Variants in UNC13C observed in about 807,000 individuals in gnomAD.
UNC13C encodes protein unc-13 homolog C.
In UNC13C, 174 loss-of-function variants were observed where a neutral mutation model predicts 245.4. The observed-to-expected ratio is 0.71, with a 90% confidence interval of 0.63 to 0.80. The LOEUF (loss-of-function observed/expected upper bound fraction) is 0.80. Ranked by LOEUF, UNC13C falls within the 30% of genes least tolerant of loss-of-function variation. The pLI is 0.00. For synonymous variants in UNC13C, 992 were observed against 895.1 expected (o/e 1.11, Z -1.93); for missense variants, 2,829 against 2,602.9 (o/e 1.09, Z -1.89).
chr15:54,136,724 A>C (rs2141225211), intron 2 of UNC13C, among the ~76,000 whole-genome samples: 2 of 152,158 alleles, frequency 1.3e-5, no homozygotes, highest in Middle Eastern at 3.4e-3. Flanking sequence ...CATTCCCTCG[A>C]TATCTGATTT....
chr15:54,142,188 G>T (rs2032054162), intron 2 of UNC13C, among the ~76,000 whole-genome samples: 1 of 152,152 alleles, frequency 6.6e-6, no homozygotes, highest in Admixed American at 6.5e-5. Flanking sequence ...TTTAAAAAAT[G>T]ATGATGCAGT....
chr15:54,013,238 A>G lies in UNC13C; in HGVS notation c.335A>G (p.Asp112Gly). ...LQKNAKVTNS[D>G]NEDLLQELSS... is the part of the protein sequence containing the mutation. ...AAGAATGCTAAAGTAACCAACAGTG[A>G]TAATGAGGATCTGCTTCAAGAGCTC... is the stretch of plus-strand genomic sequence containing the variant. Residue 112 changes from aspartate (D) to glycine (G), a missense_variant, in exon 2 of 33, where the codon GAT becomes GGT. Transcript: ENST00000260323. 6.2e-7 allele frequency: 1 copy of G among 1,613,800 alleles called. No homozygotes were observed. Among genetic ancestry groups the G allele is most frequent in the Non-Finnish European group, 8.5e-7 (1 of 1,179,840 alleles).
At chr15:54,322,327 G>A (rs2038184764) in intron 14 of UNC13C, among the ~76,000 whole-genome samples, 1 of 152,008 alleles carries the variant, frequency 6.6e-6, no homozygotes, top group South Asian at 2.1e-4. Context: ...ATCTTTTTCA[G>A]TGAGGGAAAA....
chr15:53,856,951 T>A, the UNC13C span, among the ~76,000 whole-genome samples: 4 of 152,282 alleles, frequency 2.6e-5, no homozygotes, highest in Admixed American at 1.3e-4. Context: ...GCTTTATAAA[T>A]CTGGGTGCTC....
intron 18 of UNC13C, among the ~76,000 whole-genome samples, chr15:54,414,766 A>C (rs2040484894): frequency 6.6e-6 from 1 of 152,130 alleles, no homozygotes; most frequent in African/African-American, 2.4e-5. Context: ...TGATATAATG[A>C]AGTCTCTTTT....
At chr15:54,358,301 G>A (rs372435291) in intron 17 of UNC13C, among the ~76,000 whole-genome samples, 2 of 151,894 alleles carry the variant, frequency 1.3e-5, no homozygotes, top group South Asian at 2.1e-4. Flanking sequence ...TGGATATTTG[G>A]GTCTTTTGTT....
chr15:54,084,458 A>G (rs1320010168), intron 2 of UNC13C, among the ~76,000 whole-genome samples: 2 of 152,218 alleles, frequency 1.3e-5, no homozygotes, highest in African/African-American at 2.4e-5. Flanking sequence ...TTCTGGCTTT[A>G]TAAATTCCCA....
chr15:54,055,985 C>T (rs556122564), intron 2 of UNC13C, among the ~76,000 whole-genome samples: 8 of 152,148 alleles, frequency 5.3e-5, no homozygotes, highest in Non-Finnish European at 1.2e-4. Flanking sequence ...TGTGCTTCTC[C>T]GCATGATTTC....
chr15:54,195,572 T>C (rs1311683740), intron 4 of UNC13C, among the ~76,000 whole-genome samples: 3 of 152,264 alleles, frequency 2.0e-5, no homozygotes, highest in Middle Eastern at 3.4e-3. Flanking sequence ...ATTAATGTCA[T>C]GAAGTTCCCA....
At chr15:54,547,803 T>TAC (rs1555393353) in intron 27 of UNC13C, among the ~76,000 whole-genome samples, 2 of 151,520 alleles carry the variant, frequency 1.3e-5, no homozygotes, top group African/African-American at 4.9e-5. Context: ...CATTTATAAA[T>TAC]ACACACACAC....
intron 19 of UNC13C, among the ~76,000 whole-genome samples, chr15:54,475,124 T>G (rs2141049996): frequency 6.6e-6 from 1 of 152,040 alleles, no homozygotes; most frequent in East Asian, 1.9e-4. Flanking sequence ...TGTCTGTTTT[T>G]TCTTTTGTTG....
the UNC13C span, among the ~76,000 whole-genome samples, chr15:53,946,977 G>A: frequency 2.0e-5 from 3 of 152,112 alleles, no homozygotes; most frequent in Non-Finnish European, 2.9e-5. Flanking sequence ...TTAACACAGA[G>A]TCTAGCGGGT....
the UNC13C span, among the ~76,000 whole-genome samples, chr15:53,874,497 T>C: frequency 6.6e-6 from 1 of 152,208 alleles, no homozygotes; most frequent in Non-Finnish European, 1.5e-5. Flanking sequence ...CCTTTACTTA[T>C]GTTACTGAAA....
intron 1 of UNC13C, among the ~76,000 whole-genome samples, chr15:53,998,006 T>C (rs1894712948): frequency 2.0e-5 from 3 of 152,200 alleles, no homozygotes; most frequent in Admixed American, 6.5e-5. Context: ...TTTCGTCATG[T>C]TGCCCAGGCT....
chr15:54,205,810 T>G (rs541538183), intron 4 of UNC13C, among the ~76,000 whole-genome samples: 1 of 152,152 alleles, frequency 6.6e-6, no homozygotes, highest in South Asian at 2.1e-4. Context: ...CATCTCAGAG[T>G]TTATTGTAGG....
chr15:54,089,844 C>T (rs1204995848), intron 2 of UNC13C, among the ~76,000 whole-genome samples: 1 of 152,050 alleles, frequency 6.6e-6, no homozygotes, highest in Non-Finnish European at 1.5e-5. Context: ...CAATACAATT[C>T]CTGAATGTGA....
At chr15:54,042,894 A>C (rs900362040) in intron 2 of UNC13C, among the ~76,000 whole-genome samples, 1 of 152,042 alleles carries the variant, frequency 6.6e-6, no homozygotes, top group Non-Finnish European at 1.5e-5. Flanking sequence ...CTTACTGAGA[A>C]TCTACTGCGC....
Position 54,331,558 on chromosome 15 carries a change from A to G in UNC13C, c.4426-485A>G, listed in dbSNP as rs138022480. Among the ~76,000 whole-genome samples the G allele has an allele frequency of 6.6e-5, 10 of 152,238 alleles. No homozygotes were observed. The East Asian group carries it at 1.5e-3, about 24-fold the overall frequency. ...TTCCAAAAAGAAAATATTTTTTCCA[A>G]TTGGTTTTGACAAAAACAACACCTG... On this transcript the variant is annotated intron_variant, in intron 14 of 32. Transcript: ENST00000260323.
In UNC13C at chr15:54,300,375, T is replaced by A. The variant is rs1352359699; in HGVS notation, c.4268+2T>A. The A allele has an allele frequency of 6.4e-7, 1 of 1,566,386 alleles. No individual in the cohort carries two copies. Among genetic ancestry groups the A allele is most frequent in the Admixed American group, 1.9e-5 (1 of 52,728 alleles). ...TGAATCCATTTATCAAGCTATGACG[T>A]AAGTACTACAGAACATTTACATGGT... On this transcript the variant is annotated splice_donor_variant, in intron 13 of 32. Coordinates refer to ENST00000260323, the MANE Select transcript of UNC13C (RefSeq NM_001080534.3). LOFTEE classifies it high-confidence loss of function.
Sources: allele counts gnomAD v4.1 joint callset (sites outside exome capture counted in the v4.1 genomes callset), GRCh38; gene constraint gnomAD v4.1.1; transcripts MANE v1.5; gene names NCBI Gene and HGNC (gene_info 2026-07-23, HGNC 2026-07-21).